EFL1: variants seen among roughly 807,000 people sequenced by gnomAD.
The protein encoded by EFL1 is elongation factor like GTPase 1.
Under a neutral mutation model 126.7 loss-of-function variants are expected in EFL1, and 76 were observed. That is an observed-to-expected ratio of 0.60 (90% CI 0.50 to 0.73). The LOEUF is 0.73. Among genes scored for constraint, EFL1 ranks in the 30% least tolerant of loss-of-function variants. The pLI, the probability that EFL1 is intolerant of heterozygous loss-of-function variation, is 0.00. For synonymous variants in EFL1, 410 were observed against 448.4 expected (o/e 0.91, Z 1.08); for missense variants, 1,128 against 1,343.2 (o/e 0.84, Z 2.50).
At chr15:82,136,165 T>C (rs1420673310) in intron 19 of EFL1, among the ~76,000 whole-genome samples, 3 of 152,118 alleles carry the variant, frequency 2.0e-5, no homozygotes, top group African/African-American at 7.2e-5. Flanking sequence ...AATGATGAGA[T>C]TTTAAAACAA....
In EFL1 at chr15:82,219,714, G is replaced by A. The variant is rs778052179; in HGVS notation, c.1549C>T (p.Arg517Ter). Residue 517 changes from arginine to a stop codon, truncating the protein, a stop_gained, in exon 14 of 20, where the codon CGA (arginine) becomes TGA (stop). Transcript: ENST00000268206. LOFTEE classifies it high-confidence loss of function. The part of the protein sequence containing the change: ...AFARVFSGVA[R>*]RGKKIFVLGP... ...AAGACAAAAATTTTCTTTCCTCTTC[G>A]AGCCACACCACTGAACACCCGAGCA... is the stretch of plus-strand genomic sequence containing the variant. 37 of 1,613,500 alleles carry A rather than the reference G, an allele frequency of 2.3e-5. No homozygotes were observed. The highest frequency in any genetic ancestry group is 5.3e-5 in the African/African-American group (4 of 74,786).
chr15:82,136,991 C>T (rs1278518594), intron 19 of EFL1, among the ~76,000 whole-genome samples: 2 of 151,448 alleles, frequency 1.3e-5, no homozygotes, highest in Admixed American at 1.3e-4. Flanking sequence ...TAGCATTAAC[C>T]TTGGTTCTGT....
intron 14 of EFL1, among the ~76,000 whole-genome samples, chr15:82,216,127 T>C (rs2074643520): frequency 6.6e-6 from 1 of 152,164 alleles, no homozygotes; most frequent in Non-Finnish European, 1.5e-5. Flanking sequence ...ATAGAAAATA[T>C]GTGTATTTAA....
chr15:82,208,875 A>T (rs1214208147), intron 15 of EFL1, among the ~76,000 whole-genome samples: 1 of 152,190 alleles, frequency 6.6e-6, no homozygotes, highest in Non-Finnish European at 1.5e-5. Context: ...AAACACCAGA[A>T]GTATTCCCAT....
In EFL1 at chr15:82,188,105, A is replaced by G. The variant is rs2074321082; in HGVS notation, c.1751-24121T>C. 2.0e-5 allele frequency among the ~76,000 whole-genome samples: 3 copies of G among 152,188 alleles called. No individual in the cohort carries two copies. The South Asian group carries it at 6.2e-4, about 32-fold the overall frequency. On this transcript the variant is annotated intron_variant, in intron 15 of 19. Transcript: ENST00000268206. ...TGCTTTTCCTCTTGAAATTTCCTCT[A>G]CCTAACACTAAATTTGTATCTTTAT...
chr15:82,217,373 G>GAAAAAAAAAAAAAAAAAAAAAAAAGAAA, intron 14 of EFL1, among the ~76,000 whole-genome samples: 1 of 27,150 alleles, frequency 3.7e-5, no homozygotes, highest in Non-Finnish European at 6.9e-5. Flanking sequence ...GATTAGATTT[G>GAAAAAAAAAAAAAAAAAAAAAAAAGAAA]AAAAAAAAAA....
At chr15:82,131,921 A>C (rs1165321457) in intron 19 of EFL1, among the ~76,000 whole-genome samples, 2 of 152,242 alleles carry the variant, frequency 1.3e-5, no homozygotes, top group Admixed American at 6.5e-5. Flanking sequence ...ATTAAAAAAA[A>C]AGTCTCAAAG....
intron 15 of EFL1, among the ~76,000 whole-genome samples, chr15:82,171,091 T>C (rs2074130820): frequency 6.6e-6 from 1 of 152,124 alleles, no homozygotes; most frequent in South Asian, 2.1e-4. Context: ...CCAATTAAAA[T>C]CAGGAAACAG....
chr15:82,141,528 C>T (rs2073786731), intron 18 of EFL1, among the ~76,000 whole-genome samples: 1 of 151,938 alleles, frequency 6.6e-6, no homozygotes, highest in Non-Finnish European at 1.5e-5. Flanking sequence ...ATTAGTTGGG[C>T]ATGGTGCTGT....
At chr15:82,181,951 T>A (rs898901526) in intron 15 of EFL1, among the ~76,000 whole-genome samples, 1 of 152,190 alleles carries the variant, frequency 6.6e-6, no homozygotes, top group Admixed American at 6.5e-5. Flanking sequence ...TAATGAAGCA[T>A]TGCATTTAGT....
chr15:82,189,402 G>A (rs2074335085), intron 15 of EFL1, among the ~76,000 whole-genome samples: 1 of 152,192 alleles, frequency 6.6e-6, no homozygotes, highest in Admixed American at 6.5e-5. Flanking sequence ...TACATTCTAA[G>A]AGTCTAGAAG....
chr15:82,231,049 T>C, intron 7 of EFL1, 78 bp from the exon 8 acceptor site: 1 of 1,495,272 alleles, frequency 6.7e-7, no homozygotes, highest in Non-Finnish European at 9.0e-7. Context: ...CAAACTTCTT[T>C]ACACGTGTAT....
intron 15 of EFL1, among the ~76,000 whole-genome samples, chr15:82,193,452 C>G (rs935393441): frequency 1.6e-4 from 24 of 152,158 alleles, no homozygotes; most frequent in African/African-American, 5.8e-4. Context: ...ATACTTTGAA[C>G]ACAAAGTCAA....
At chr15:82,143,805 T>C (rs918355522) in intron 18 of EFL1, among the ~76,000 whole-genome samples, 2 of 152,180 alleles carry the variant, frequency 1.3e-5, no homozygotes, top group Non-Finnish European at 2.9e-5. Context: ...AATCCAAAGT[T>C]GACATGAAGT....
rs1021319311 is a variant in EFL1, at chr15:82,165,137, C to T, written c.1751-1153G>A. 4.6e-5 allele frequency among the ~76,000 whole-genome samples: 7 copies of T among 152,076 alleles called. No homozygotes were observed. In the South Asian group the frequency reaches 1.5e-3, roughly 32 times the overall value. On this transcript the variant is annotated intron_variant, in intron 15 of 19. Coordinates refer to ENST00000268206, the MANE Select transcript of EFL1 (RefSeq NM_024580.6). ...AAATTCAGCCAGGCATGGTGGTGCACACCTGTCTATAGTCCCAGGTACTTG... is the reference window on the plus strand; with the variant it reads ...AAATTCAGCCAGGCATGGTGGTGCATACCTGTCTATAGTCCCAGGTACTTG...
intron 15 of EFL1, among the ~76,000 whole-genome samples, chr15:82,213,183 C>T (rs2074607366): frequency 6.6e-6 from 1 of 152,094 alleles, no homozygotes; most frequent in South Asian, 2.1e-4. Flanking sequence ...CATTTTTTCC[C>T]GAAGTGGTTG....
At chr15:82,152,911 A>G (rs1028855237) in intron 17 of EFL1, among the ~76,000 whole-genome samples, 80 of 152,234 alleles carry the variant, frequency 5.3e-4, no homozygotes, top group African/African-American at 1.1e-3. Flanking sequence ...TAGCAAGGCT[A>G]GCATGATCCA....
chr15:82,247,591 T>C (rs1386010690), intron 4 of EFL1, among the ~76,000 whole-genome samples: 2 of 152,042 alleles, frequency 1.3e-5, no homozygotes, highest in African/African-American at 4.8e-5. Context: ...AACCCAGAGA[T>C]ACGTGGAACA....
chr15:82,184,084 C>T (rs572607733), intron 15 of EFL1, among the ~76,000 whole-genome samples: 55 of 152,340 alleles, frequency 3.6e-4, no homozygotes, highest in East Asian at 5.8e-4. Context: ...GTCTTACTAG[C>T]TGTCACTATA....
Sources: allele counts gnomAD v4.1 joint callset (sites outside exome capture counted in the v4.1 genomes callset), GRCh38; gene constraint gnomAD v4.1.1; transcripts MANE v1.5; gene names NCBI Gene and HGNC (gene_info 2026-07-23, HGNC 2026-07-21).